Variants in FBXL13 observed in about 807,000 individuals in gnomAD.
The protein encoded by FBXL13 is F-box and leucine-rich repeat protein 13.
FBXL13 carries 67 observed loss-of-function variants against 83.6 expected under a neutral mutation model. That is an observed-to-expected ratio of 0.80 (90% CI 0.66 to 0.98). The LOEUF is 0.98. Ranked by LOEUF, FBXL13 falls within the 50% of genes least tolerant of loss-of-function variation. The pLI is 0.00. For synonymous variants in FBXL13, 272 were observed against 299.5 expected (o/e 0.91, Z 0.95); for missense variants, 822 against 866.5 (o/e 0.95, Z 0.64).
At chr7:102,862,261 G>A (rs1158105101) in intron 16 of FBXL13, among the ~76,000 whole-genome samples, 17 of 151,378 alleles carry the variant, frequency 1.1e-4, no homozygotes, top group Non-Finnish European at 7.4e-5. Context: ...CCCAGGAGGC[G>A]GAGGTTGCAG....
intron 8 of FBXL13, among the ~76,000 whole-genome samples, chr7:102,963,280 CA>C (rs1177390265): frequency 6.6e-6 from 1 of 151,090 alleles, no homozygotes; most frequent in Non-Finnish European, 1.5e-5. Context: ...AAGATCGCAC[CA>C]CTGCACTCCA....
intron 6 of FBXL13, among the ~76,000 whole-genome samples, chr7:102,971,594 CAA>C (rs11447254): frequency 6.1e-5 from 7 of 115,034 alleles, no homozygotes; most frequent in African/African-American, 3.5e-5. Flanking sequence ...AACTCCGTCT[CAA>C]AAAAAAAAAA....
chr7:102,831,394 GACACACACACACACAC>G (rs3045618), intron 18 of FBXL13, among the ~76,000 whole-genome samples: 47 of 141,568 alleles, frequency 3.3e-4, no homozygotes, highest in African/African-American at 1.1e-3. Flanking sequence ...CAGTGCCCGG[GACACACACACACACAC>G]ACACACACAC....
chr7:102,948,952 T>C (rs1238578778), intron 8 of FBXL13, among the ~76,000 whole-genome samples: 1 of 152,186 alleles, frequency 6.6e-6, no homozygotes, highest in Non-Finnish European at 1.5e-5. Flanking sequence ...CCTCAAGTGA[T>C]CCGCGTGCCT....
rs201014515 is a variant in FBXL13 at position 102,951,421 on chromosome 7, AC to A, written c.724+12111del. ...TAAATAAAAGTTAATTTAAAAAAAA[AC>A]GAAAAGAAAGCTCTTAAATCAATAA... On this transcript the variant is annotated intron_variant, in intron 8 of 19. Transcript: ENST00000313221. 7.3e-3 allele frequency among the ~76,000 whole-genome samples: 565 copies of A among 77,904 alleles called. 5 individuals are homozygous for A. Among genetic ancestry groups the A allele is most frequent in the African/African-American group, 0.023 (554 of 23,662 alleles). 51.1% of individuals were successfully genotyped at this position (77,904 alleles called of 152,430 possible).
At chr7:102,864,427 G>T (rs1183001639) in intron 16 of FBXL13, among the ~76,000 whole-genome samples, 1 of 151,786 alleles carries the variant, frequency 6.6e-6, no homozygotes, top group Non-Finnish European at 1.5e-5. Context: ...GGAGTGCAAT[G>T]GTGCAATTTC....
intron 6 of FBXL13, among the ~76,000 whole-genome samples, chr7:103,002,848 T>C (rs899687362): frequency 6.6e-6 from 1 of 152,194 alleles, no homozygotes; most frequent in Non-Finnish European, 1.5e-5. Flanking sequence ...GACCCTGACC[T>C]TTAAGAGTTT....
chr7:102,856,487 A>T (rs1367080947), intron 16 of FBXL13, among the ~76,000 whole-genome samples: 1 of 152,118 alleles, frequency 6.6e-6, no homozygotes. Flanking sequence ...TCAAGTTAGA[A>T]TTTTTTAAGA....
At chr7:102,922,209 A>G (rs1465760907) in intron 10 of FBXL13, among the ~76,000 whole-genome samples, 1 of 151,650 alleles carries the variant, frequency 6.6e-6, no homozygotes, top group Admixed American at 6.6e-5. Context: ...AAAAAATTAA[A>G]TAAATAAATA....
chr7:102,826,795 A>AAT (rs2129446548), intron 18 of FBXL13, among the ~76,000 whole-genome samples: 1 of 115,402 alleles, frequency 8.7e-6, no homozygotes, highest in African/African-American at 3.0e-5. Flanking sequence ...CTAATATATT[A>AAT]ATATATATCT....
At chr7:102,946,987 G>C (rs1263236039) in intron 8 of FBXL13, among the ~76,000 whole-genome samples, 1 of 152,068 alleles carries the variant, frequency 6.6e-6, no homozygotes, top group Admixed American at 6.6e-5. Context: ...GGATTGTGAG[G>C]TTCTAACCAC....
At chr7:102,841,232 CT>C (rs1325390750) in intron 17 of FBXL13, among the ~76,000 whole-genome samples, 1 of 151,408 alleles carries the variant, frequency 6.6e-6, no homozygotes, top group African/African-American at 2.4e-5. Context: ...AAATTTTTGC[CT>C]TCAGACAATC....
intron 6 of FBXL13, among the ~76,000 whole-genome samples, chr7:102,999,220 GTTTA>G (rs1303816517): frequency 6.6e-6 from 1 of 152,030 alleles, no homozygotes; most frequent in Non-Finnish European, 1.5e-5. Flanking sequence ...GATGTATTAT[GTTTA>G]TTTATTTGTG....
chr7:102,972,001 G>A (rs1826740202), intron 6 of FBXL13, among the ~76,000 whole-genome samples: 1 of 151,404 alleles, frequency 6.6e-6, no homozygotes, highest in Admixed American at 6.6e-5. Flanking sequence ...ATTCCAGCCT[G>A]GGAGACAGAG....
intron 2 of FBXL13, among the ~76,000 whole-genome samples, chr7:103,032,619 T>C (rs1417866563): frequency 6.6e-6 from 1 of 152,234 alleles, no homozygotes; most frequent in Non-Finnish European, 1.5e-5. Flanking sequence ...AAAAAAAGTT[T>C]TAGTTTTTCC....
At chr7:102,888,935 T>C (rs1811155701) in intron 11 of FBXL13, among the ~76,000 whole-genome samples, 1 of 152,182 alleles carries the variant, frequency 6.6e-6, no homozygotes, top group African/African-American at 2.4e-5. Flanking sequence ...CGACTCTTAG[T>C]TTCCTCATCT....
intron 6 of FBXL13, among the ~76,000 whole-genome samples, chr7:102,991,855 G>A (rs1829592277): frequency 6.6e-6 from 1 of 152,140 alleles, no homozygotes; most frequent in Non-Finnish European, 1.5e-5. Context: ...AATAAGTGGT[G>A]CGCAGTGTGA....
chr7:103,060,020 T>TTATATATA (rs772728840), intron 1 of FBXL13, among the ~76,000 whole-genome samples: 1,076 of 49,836 alleles, frequency 0.022, 45 homozygotes, highest in East Asian at 0.034. Flanking sequence ...GCAAGATATT[T>TTATATATA]TATATATATA....
intron 14 of FBXL13, among the ~76,000 whole-genome samples, chr7:102,881,184 G>T (rs1196870271): frequency 6.6e-6 from 1 of 152,066 alleles, no homozygotes; most frequent in South Asian, 2.1e-4. Flanking sequence ...AGTGGCTCAC[G>T]CCTGTAATCC....
Sources: gnomAD v4.1 joint callset for allele counts (sites outside exome capture counted in the v4.1 genomes callset) on GRCh38, gnomAD v4.1.1 for gene constraint, MANE v1.5 for transcripts, NCBI Gene and HGNC (gene_info 2026-07-23, HGNC 2026-07-21) for gene names.